Variants in FOXN3 observed in about 807,000 individuals in gnomAD.
The protein encoded by FOXN3 is forkhead box protein N3.
FOXN3 carries 7 observed loss-of-function variants against 38.4 expected under a neutral mutation model. The observed-to-expected ratio is 0.18, with a 90% CI of 0.10 to 0.34. FOXN3 has a LOEUF of 0.34. Among genes scored for constraint, FOXN3 ranks in the 10% least tolerant of loss-of-function variants. The pLI is 1.00. For missense variants in FOXN3, 456 were observed against 613.4 expected (o/e 0.74, Z 2.71); for synonymous variants, 230 against 242.2 (o/e 0.95, Z 0.47).
intron 2 of FOXN3, among the ~76,000 whole-genome samples, chr14:89,369,545 A>T (rs1890253180): frequency 1.2e-5 from 1 of 86,800 alleles, no homozygotes; most frequent in African/African-American, 4.2e-5. Context: ...AAGACTGGGT[A>T]ATTTTTTTTT....
chr14:89,205,598 A>T (rs906045089), intron 4 of FOXN3, among the ~76,000 whole-genome samples: 7 of 152,206 alleles, frequency 4.6e-5, no homozygotes, highest in Non-Finnish European at 1.0e-4. Flanking sequence ...ACGACGCGGA[A>T]TTTGGCTGGA....
chr14:89,258,522 C>G (rs1885696045), intron 4 of FOXN3, among the ~76,000 whole-genome samples: 1 of 152,142 alleles, frequency 6.6e-6, no homozygotes, highest in South Asian at 2.1e-4. Flanking sequence ...CACAACAGGC[C>G]AGGTTAATAA....
chr14:89,210,969 T>G (rs1884075237), intron 4 of FOXN3, among the ~76,000 whole-genome samples: 1 of 152,254 alleles, frequency 6.6e-6, no homozygotes, highest in Non-Finnish European at 1.5e-5. Context: ...CTCTGGCAGC[T>G]TATTTTCTCC....
At chr14:89,301,312 G>GAA (rs55764743) in intron 3 of FOXN3, among the ~76,000 whole-genome samples, 76 of 145,944 alleles carry the variant, frequency 5.2e-4, no homozygotes, top group East Asian at 1.4e-3. Flanking sequence ...CTCTACAAAA[G>GAA]AAAAAAAAAA....
intron 3 of FOXN3, among the ~76,000 whole-genome samples, chr14:89,336,610 T>G (rs1888469106): frequency 6.6e-6 from 1 of 152,212 alleles, no homozygotes; most frequent in African/African-American, 2.4e-5. Context: ...TATAGGCACG[T>G]GATAGCCTCT....
chr14:89,448,259 A>G (rs1292916636), intron 1 of FOXN3, among the ~76,000 whole-genome samples: 1 of 152,220 alleles, frequency 6.6e-6, no homozygotes, highest in South Asian at 2.1e-4. Context: ...CAAAGAGTTC[A>G]TATCATTTCT....
chr14:89,360,809 C>G (rs137988678), intron 2 of FOXN3, among the ~76,000 whole-genome samples: 1 of 76,864 alleles, frequency 1.3e-5, no homozygotes. Flanking sequence ...CCTCCAGCAC[C>G]ACCTCCACCA....
At chr14:89,438,504 T>G (rs1892315654) in intron 1 of FOXN3, among the ~76,000 whole-genome samples, 1 of 152,196 alleles carries the variant, frequency 6.6e-6, no homozygotes, top group Non-Finnish European at 1.5e-5. Context: ...ATAAGAAAAT[T>G]GAAAATTATC....
intron 1 of FOXN3, among the ~76,000 whole-genome samples, chr14:89,572,229 T>C (rs1360632547): frequency 6.6e-6 from 1 of 152,228 alleles, no homozygotes; most frequent in Non-Finnish European, 1.5e-5. Flanking sequence ...TAAAGATGAT[T>C]TTAAATCAAG....
intron 1 of FOXN3, among the ~76,000 whole-genome samples, chr14:89,612,551 T>G (rs1896414081): frequency 6.6e-6 from 1 of 151,910 alleles, no homozygotes; most frequent in South Asian, 2.1e-4. Flanking sequence ...ATCCCAGCAC[T>G]TTGGGAGGCT....
At chr14:89,425,534 ATT>A (rs34743828) in intron 1 of FOXN3, among the ~76,000 whole-genome samples, 3 of 147,694 alleles carry the variant, frequency 2.0e-5, no homozygotes, top group Non-Finnish European at 1.5e-5. Flanking sequence ...TGCCCGGCTA[ATT>A]TTTTTTTTTA....
At chr14:89,414,510 A>T (rs1891638888) in intron 1 of FOXN3, among the ~76,000 whole-genome samples, 1 of 150,360 alleles carries the variant, frequency 6.7e-6, no homozygotes, top group African/African-American at 2.5e-5. Context: ...AACCTGCTAG[A>T]CGCAAGGCCT....
At chr14:89,525,739 T>G (rs1173531037) in intron 1 of FOXN3, among the ~76,000 whole-genome samples, 3 of 151,858 alleles carry the variant, frequency 2.0e-5, no homozygotes, top group Admixed American at 2.0e-4. Flanking sequence ...TTCCAAAAAA[T>G]TGAAGAGGAC....
At chr14:89,168,628 C>G (rs1470151698) in intron 5 of FOXN3, among the ~76,000 whole-genome samples, 1 of 152,070 alleles carries the variant, frequency 6.6e-6, no homozygotes, top group Non-Finnish European at 1.5e-5. Context: ...AGACGGAACA[C>G]AGAAAGAAGA....
chr14:89,581,217 C>T (rs1444092743), intron 1 of FOXN3, among the ~76,000 whole-genome samples: 2 of 151,740 alleles, frequency 1.3e-5, no homozygotes, highest in Non-Finnish European at 2.9e-5. Context: ...TGCGGTGGCT[C>T]ACGGCCATAA....
intron 1 of FOXN3, among the ~76,000 whole-genome samples, chr14:89,543,789 C>T (rs1894834748): frequency 6.6e-6 from 1 of 152,170 alleles, no homozygotes; most frequent in Non-Finnish European, 1.5e-5. Context: ...CAACTAAAGA[C>T]TAACTTATCA....
In FOXN3 at chr14:89,417,123, G is replaced by C. The variant is rs1891765020; in HGVS notation, c.-267C>G. On this transcript the variant is annotated 5_prime_UTR_variant, in exon 1 of 6. Coordinates refer to ENST00000557258, the MANE Select transcript of FOXN3 (RefSeq NM_005197.4). ...CGCGCGTCCTCCCGCCGGCCCCGCC[G>C]CTCTCCCCGCCCCGTCCCGCCTCCC... 1 of 143,246 alleles carries C rather than the reference G, an allele frequency of 7.0e-6. No individual in the cohort carries two copies. Among genetic ancestry groups the C allele is most frequent in the African/African-American group, 2.5e-5 (1 of 40,224 alleles). The allele number at this position is 143,246 out of a possible 1,614,324, so 8.9% of individuals were successfully genotyped here. A position where few individuals can be genotyped will look rare whatever the true frequency, so the allele number is the denominator to read the frequency against.
At chr14:89,178,683 A>G (rs1192288110) in intron 5 of FOXN3, among the ~76,000 whole-genome samples, 1 of 152,234 alleles carries the variant, frequency 6.6e-6, no homozygotes. Flanking sequence ...GGTAGTTGAA[A>G]TAACACCTCA....
chr14:89,186,374 G>T (rs765572635), intron 4 of FOXN3, among the ~76,000 whole-genome samples: 1 of 151,950 alleles, frequency 6.6e-6, no homozygotes, highest in Non-Finnish European at 1.5e-5. Flanking sequence ...TCCAACCAGG[G>T]ATTATATAAG....
Sources: allele counts gnomAD v4.1 joint callset (sites outside exome capture counted in the v4.1 genomes callset), GRCh38; gene constraint gnomAD v4.1.1; transcripts MANE v1.5; gene names NCBI Gene and HGNC (gene_info 2026-07-23, HGNC 2026-07-21).